Variants in XXYLT1 observed in about 807,000 individuals in gnomAD.
The protein encoded by XXYLT1 is xyloside xylosyltransferase 1.
In XXYLT1, 20 loss-of-function variants were observed where a neutral mutation model predicts 28.9. That is an observed-to-expected ratio of 0.69 (90% CI 0.49 to 1.00). XXYLT1 has a LOEUF of 1.00. Among genes scored for constraint, XXYLT1 ranks in the 50% least tolerant of loss-of-function variants. The pLI, the probability that XXYLT1 is intolerant of heterozygous loss-of-function variation, is 0.00. For synonymous variants in XXYLT1, 257 were observed against 253.8 expected (o/e 1.01, Z -0.12); for missense variants, 542 against 560.1 (o/e 0.97, Z 0.33).
At chr3:195,123,265 G>C (rs1464072899) in intron 3 of XXYLT1, among the ~76,000 whole-genome samples, 1 of 151,806 alleles carries the variant, frequency 6.6e-6, no homozygotes, top group Non-Finnish European at 1.5e-5. Flanking sequence ...CATCATAGTG[G>C]ACAAATCCCC....
At chr3:195,137,410 C>A (rs1044101130) in intron 3 of XXYLT1, among the ~76,000 whole-genome samples, 2 of 152,206 alleles carry the variant, frequency 1.3e-5, no homozygotes, top group Non-Finnish European at 2.9e-5. Context: ...CGGCACTGGT[C>A]TTCTGCACCA....
At chr3:195,121,092 C>T (rs1484538655) in intron 3 of XXYLT1, among the ~76,000 whole-genome samples, 2 of 152,214 alleles carry the variant, frequency 1.3e-5, no homozygotes, top group Non-Finnish European at 2.9e-5. Flanking sequence ...GCTCCCAGGG[C>T]CCAAACACCC....
At position 195,070,128 on chromosome 3, in the gene XXYLT1, CAG is replaced by C. The variant is rs1298584074; in HGVS notation, c.786-19_786-18del. 4 of 1,536,762 alleles carry C rather than the reference CAG, an allele frequency of 2.6e-6. No homozygotes were observed. The highest frequency in any genetic ancestry group is 4.5e-5 in the East Asian group (2 of 44,300). On this transcript the variant is annotated intron_variant, in intron 3 of 3. Coordinates refer to ENST00000310380, the MANE Select transcript of XXYLT1 (RefSeq NM_152531.5). ...AATGTGTGCCTGTGGAGAGAGAGGA[CAG>C]AGTTAGTCCGGTGTGCAGGGGAACC...
chr3:195,115,133 C>T lies in XXYLT1; in HGVS notation c.785+41316G>A, dbSNP rs954425768. ...CCCAGATGCCCAAACGGCGAGAGCT[C>T]GGGACGTGAATCAGGTGCTGCGACT... On this transcript the variant is annotated intron_variant, in intron 3 of 3. Transcript: ENST00000310380. The surrounding 1 kb of genome is among the most constrained non-coding windows in gnomAD (Gnocchi z 4.2). Among the ~76,000 whole-genome samples the T allele has an allele frequency of 6.6e-6, 1 of 152,200 alleles. No homozygotes were observed.
chr3:195,255,066 G>A lies in XXYLT1; in HGVS notation c.504+15489C>T, dbSNP rs1468264149. On this transcript the variant is annotated intron_variant, in intron 1 of 3. Coordinates refer to ENST00000310380, the MANE Select transcript of XXYLT1 (RefSeq NM_152531.5). This position sits in a 1 kb window ranked among gnomAD's most constrained non-coding sequence, Gnocchi z 4.5. ...CCCTGTCCCCAACTGCCCCAGGCTG[G>A]GAAATTCACCAGCACTGCGGACAGA... Among the ~76,000 whole-genome samples, 6 of 152,166 alleles carry A rather than the reference G, an allele frequency of 3.9e-5. No individual in the cohort carries two copies. The highest frequency in any genetic ancestry group is 7.3e-5 in the Non-Finnish European group (5 of 68,036).
chr3:195,157,870 A>G (rs987398895), intron 2 of XXYLT1, among the ~76,000 whole-genome samples: 1 of 152,134 alleles, frequency 6.6e-6, no homozygotes, highest in Non-Finnish European at 1.5e-5. Flanking sequence ...TGACCCAGGG[A>G]AAGTTATTTT....
rs560192945 is a variant in XXYLT1 at position 195,132,575 on chromosome 3, T to C, written c.785+23874A>G. On this transcript the variant is annotated intron_variant, in intron 3 of 3. Transcript: ENST00000310380. ...TTACAAACTATGTCTCTGTTCACCA[T>C]TAATTTAAACTGCATTTAAATTGCA... Among the ~76,000 whole-genome samples, 10 of 152,374 alleles carry C rather than the reference T, an allele frequency of 6.6e-5. No homozygotes were observed. In the South Asian group the frequency reaches 1.9e-3, roughly 28 times the overall value.
chr3:195,175,827 C>T (rs1054099446), intron 2 of XXYLT1: 19 of 1,408,664 alleles, frequency 1.3e-5, no homozygotes, highest in African/African-American at 7.3e-5. Flanking sequence ...CCTCGATTCC[C>T]GAGTCACTGC....
chr3:195,231,094 C>T (rs1182376144), intron 1 of XXYLT1, among the ~76,000 whole-genome samples: 1 of 151,992 alleles, frequency 6.6e-6, no homozygotes, highest in Non-Finnish European at 1.5e-5. Context: ...AGAGCTTTCA[C>T]TTGTTTGGTT....
chr3:195,241,787 C>CCAACACACACACACATGCGCA (rs1321691109), intron 1 of XXYLT1, among the ~76,000 whole-genome samples: 6 of 152,010 alleles, frequency 3.9e-5, no homozygotes, highest in African/African-American at 9.7e-5. Context: ...ACCCTCACCA[C>CCAACACACACACACATGCGCA]CAACACACAC....
At chr3:195,239,198 G>C (rs1388065827) in intron 1 of XXYLT1, among the ~76,000 whole-genome samples, 3 of 152,246 alleles carry the variant, frequency 2.0e-5, no homozygotes, top group African/African-American at 4.8e-5. Context: ...CACAGACCCT[G>C]CAAGTGTGAA....
At chr3:195,208,822 G>C (rs1577148265) in intron 2 of XXYLT1, among the ~76,000 whole-genome samples, 1 of 152,248 alleles carries the variant, frequency 6.6e-6, no homozygotes, top group Middle Eastern at 3.4e-3. Flanking sequence ...AGAGCGTCCA[G>C]AGTCCCCGGG....
intron 2 of XXYLT1, among the ~76,000 whole-genome samples, chr3:195,196,561 T>C (rs955528814): frequency 3.9e-5 from 6 of 152,148 alleles, no homozygotes; most frequent in African/African-American, 9.7e-5. Context: ...CACAGGCAGA[T>C]AGGCGGAGAA....
At chr3:195,211,889 A>C (rs1335920591) in intron 2 of XXYLT1, among the ~76,000 whole-genome samples, 2 of 139,588 alleles carry the variant, frequency 1.4e-5, no homozygotes, top group African/African-American at 2.8e-5. Context: ...GGAGGAGGAG[A>C]GGGGGCAAGC....
At chr3:195,140,013 T>C (rs549743468) in intron 3 of XXYLT1, among the ~76,000 whole-genome samples, 2 of 152,312 alleles carry the variant, frequency 1.3e-5, no homozygotes, top group East Asian at 3.9e-4. Flanking sequence ...ATCTTTAGGC[T>C]CTCTGGAGTA....
rs188001342 is a variant in XXYLT1, at chr3:195,146,082, A to G, written c.785+10367T>C. Among the ~76,000 whole-genome samples the G allele has an allele frequency of 3.7e-3, 558 of 152,330 alleles. 2 individuals carry two copies. The highest frequency in any genetic ancestry group is 0.013 in the African/African-American group (535 of 41,570). The stretch of plus-strand genomic sequence containing the variant: ...CTACCCTGGAAGCAGAGGGATGGGA[A>G]CTTCAGATCCGTTTCACTTAGGAAC... On this transcript the variant is annotated intron_variant, in intron 3 of 3. Transcript: ENST00000310380.
chr3:195,213,829 C>A (rs1723438673), intron 2 of XXYLT1, among the ~76,000 whole-genome samples: 1 of 152,180 alleles, frequency 6.6e-6, no homozygotes, highest in Non-Finnish European at 1.5e-5. Context: ...CCCCACCACC[C>A]CGGTGAGGCC....
chr3:195,110,859 G>GTGTGGGTGGTGTA (rs1553804051), intron 3 of XXYLT1, among the ~76,000 whole-genome samples: 1 of 99,218 alleles, frequency 1.0e-5, no homozygotes, highest in Non-Finnish European at 2.2e-5. Flanking sequence ...TGTTGTATAA[G>GTGTGGGTGGTGTA]TGTGTGTGTG....
chr3:195,260,496 C>T (rs1043321209), intron 1 of XXYLT1, among the ~76,000 whole-genome samples: 1 of 152,250 alleles, frequency 6.6e-6, no homozygotes, highest in African/African-American at 2.4e-5. Flanking sequence ...CCCCGGACAC[C>T]GCGCGGATTC....
Sources: gnomAD v4.1 joint callset for allele counts (sites outside exome capture counted in the v4.1 genomes callset) on GRCh38, gnomAD v4.1.1 for gene constraint, Gnocchi (gnomAD v3.1) non-coding constraint, MANE v1.5 for transcripts, NCBI Gene and HGNC (gene_info 2026-07-23, HGNC 2026-07-21) for gene names.